The following POU2F2 variants were observed in gnomAD, a reference collection of about 807,000 sequenced individuals.
POU2F2 encodes POU class 2 homeobox 2.
Under a neutral mutation model 63.5 loss-of-function variants are expected in POU2F2, and 14 were observed. The ratio of observed to expected loss-of-function variants is 0.22; its 90% CI spans 0.15 to 0.34. POU2F2 has a LOEUF of 0.34. Among genes scored for constraint, POU2F2 ranks in the 10% least tolerant of loss-of-function variants. POU2F2 has a pLI of 1.00. For synonymous variants in POU2F2, 306 were observed against 348.6 expected, an observed-to-expected ratio of 0.88 and a Z score of 1.36; for missense variants, 607 against 815.2, an observed-to-expected ratio of 0.74 and a Z score of 3.11.
At chr19:42,194,726 T>A (rs1227693926) in intron 1 of POU2F2, among the ~76,000 whole-genome samples, 46 of 106,130 alleles carry the variant, frequency 4.3e-4, no homozygotes, top group African/African-American at 1.7e-3. Flanking sequence ...GCCACTGAAG[T>A]CCAGCCTGGG....
intron 1 of POU2F2, among the ~76,000 whole-genome samples, chr19:42,166,171 C>G (rs903035880): frequency 2.0e-5 from 3 of 152,256 alleles, no homozygotes; most frequent in Admixed American, 2.0e-4. Context: ...GGAGCACAAG[C>G]TCCCCATCAC....
chr19:42,181,303 T>C (rs1026327025), intron 1 of POU2F2, among the ~76,000 whole-genome samples: 16 of 152,352 alleles, frequency 1.1e-4, no homozygotes, highest in Admixed American at 5.9e-4. Context: ...ATGTGTGCTC[T>C]CTCTGCTTCT....
chr19:42,180,129 C>CTCCCTGGG, upstream of POU2F2, among the ~76,000 whole-genome samples: 1 of 152,266 alleles, frequency 6.6e-6, no homozygotes, highest in South Asian at 2.1e-4. Flanking sequence ...ACCCCATAGC[C>CTCCCTGGG]ACCTACCAAC....
intron 2 of POU2F2, among the ~76,000 whole-genome samples, chr19:42,149,087 G>C (rs2034288904): frequency 6.6e-6 from 1 of 152,114 alleles, no homozygotes; most frequent in South Asian, 2.1e-4. Context: ...CCCTCCCTAG[G>C]AGACAGAGGA....
At chr19:42,120,063 T>C (rs1011821486) in intron 4 of POU2F2, among the ~76,000 whole-genome samples, 1 of 151,902 alleles carries the variant, frequency 6.6e-6, no homozygotes, top group Non-Finnish European at 1.5e-5. Context: ...ACTACAGGCA[T>C]GCACACCCAG....
rs2034561668 is a variant in POU2F2, at chr19:42,162,027, C to T, written c.-69-1635G>A. Reference sequence around the variant, plus strand: ...CCGCGCTGAGTGTTGAACACGGTGGCGACACGGCATTAACCGTCAATATTG... The same window carrying T: ...CCGCGCTGAGTGTTGAACACGGTGGTGACACGGCATTAACCGTCAATATTG... On this transcript the variant is annotated intron_variant, in intron 1 of 6. Coordinates refer to the POU2F2 transcript ENST00000524801. This position sits in a 1 kb window ranked among gnomAD's most constrained non-coding sequence, Gnocchi z 4.1. Among the ~76,000 whole-genome samples, 2 of 149,432 alleles carry T rather than the reference C, an allele frequency of 1.3e-5. No homozygotes were observed. Among genetic ancestry groups the T allele is most frequent in the African/African-American group, 2.5e-5 (1 of 40,572 alleles).
At chr19:42,134,803 C>A (rs1293746185), upstream of POU2F2, among the ~76,000 whole-genome samples, 1 of 152,118 alleles carries the variant, frequency 6.6e-6, no homozygotes, top group Non-Finnish European at 1.5e-5. Flanking sequence ...GACACGCGGG[C>A]CCCATTGCTC....
At chr19:42,167,016 C>CTACA (rs1338385003) in intron 1 of POU2F2, among the ~76,000 whole-genome samples, 5 of 152,168 alleles carry the variant, frequency 3.3e-5, no homozygotes, top group African/African-American at 1.2e-4. Context: ...GGGCACTGTG[C>CTACA]TACACACTAG....
In POU2F2 at chr19:42,162,638, T is replaced by A. The variant is rs1042036897; in HGVS notation, c.-69-2246A>T. On this transcript the variant is annotated intron_variant, in intron 1 of 6. Coordinates refer to the POU2F2 transcript ENST00000524801. This position sits in a 1 kb window ranked among gnomAD's most constrained non-coding sequence, Gnocchi z 4.1. ...TTTGGTCCTGGCCCCTCAAGTCTCC[T>A]CACAGCCAGTGTATATAATGGTTTG... 1.3e-5 allele frequency among the ~76,000 whole-genome samples: 2 copies of A among 152,156 alleles called. No homozygotes were observed. Among genetic ancestry groups the A allele is most frequent in the African/African-American group, 4.8e-5 (2 of 41,446 alleles).
chr19:42,191,663 T>TCTGGCAGA, intron 1 of POU2F2, among the ~76,000 whole-genome samples: 1 of 151,746 alleles, frequency 6.6e-6, no homozygotes, highest in East Asian at 1.9e-4. Flanking sequence ...CCAGGAGGGG[T>TCTGGCAGA]CTGGCAGACT....
chr19:42,178,881 T>C (rs895139788), upstream of POU2F2, among the ~76,000 whole-genome samples: 5 of 150,852 alleles, frequency 3.3e-5, no homozygotes, highest in Admixed American at 3.3e-4. Flanking sequence ...AGAGTCAAAG[T>C]GAGGCAGAGA....
rs1315782450 is a variant in POU2F2 at position 42,091,169 on chromosome 19, C to T, written c.*88G>A. 60 of 1,280,072 alleles carry T rather than the reference C, an allele frequency of 4.7e-5. No homozygotes were observed. The highest frequency in any genetic ancestry group is 7.7e-5 in the East Asian group (3 of 39,198). The allele number at this position is 1,280,072 out of a possible 1,614,324, so 79.3% of individuals were successfully genotyped here. On this transcript the variant is annotated 3_prime_UTR_variant, in exon 15 of 15. Transcript: ENST00000692977. ...TCACTCCTGCTCTGAGGACCCTCTG[C>T]GTCCCCACCACTGGCCTCCTCGCCC...
intron 1 of POU2F2, among the ~76,000 whole-genome samples, chr19:42,185,244 T>G (rs1437931146): frequency 6.6e-6 from 1 of 152,150 alleles, no homozygotes; most frequent in East Asian, 1.9e-4. Flanking sequence ...CTGCTCCCAG[T>G]GTCCTAGTTC....
chr19:42,130,215 A>T (rs2033588277), intron 1 of POU2F2, among the ~76,000 whole-genome samples: 1 of 152,154 alleles, frequency 6.6e-6, no homozygotes, highest in Admixed American at 6.5e-5. Flanking sequence ...GTGTACGCAC[A>T]CATGTACTTA....
rs922453725 is a variant in POU2F2 at position 42,087,683 on chromosome 19, T to G, written c.*3574A>C. On this transcript the variant is annotated 3_prime_UTR_variant, in exon 15 of 15. Coordinates refer to ENST00000692977, the MANE Select transcript of POU2F2 (RefSeq NM_001394376.1). ...CCCTCCCTTAAGTAGGAGGTCAGGG[T>G]TGGGGAGAAGAGAAATTCAGAGGGC... The G allele has an allele frequency of 2.7e-5, 4 of 149,464 alleles. No homozygotes were observed. The highest frequency in any genetic ancestry group is 1.0e-4 in the African/African-American group (4 of 40,172). The allele number at this position is 149,464 out of a possible 1,614,324, so 9.3% of individuals were successfully genotyped here. A position where few individuals can be genotyped will look rare whatever the true frequency, so the allele number is the denominator to read the frequency against.
chr19:42,104,623 A>T (rs945781753), intron 5 of POU2F2, among the ~76,000 whole-genome samples: 3 of 152,162 alleles, frequency 2.0e-5, no homozygotes, highest in African/African-American at 7.2e-5. Flanking sequence ...AACAGAGGGT[A>T]TGAGGTGGTA....
chr19:42,155,106 C>T lies in POU2F2; in HGVS notation c.-9+5226G>A, dbSNP rs973213519. On this transcript the variant is annotated intron_variant, in intron 2 of 6. Coordinates refer to the POU2F2 transcript ENST00000524801. The surrounding 1 kb of genome is among the most constrained non-coding windows in gnomAD (Gnocchi z 4.2). ...AGGTGTGAGGTCCTTCCTTCCTGCC[C>T]CACAGTCCTGCCCACCTGCCTCAGC... 6.6e-6 allele frequency among the ~76,000 whole-genome samples: 1 copy of T among 152,204 alleles called. No individual in the cohort carries two copies. The highest frequency in any genetic ancestry group is 1.5e-5 in the Non-Finnish European group (1 of 68,032).
Position 42,183,254 on chromosome 19 carries a change from G to A in POU2F2, c.-70+13129C>T, listed in dbSNP as rs200085334. On this transcript the variant is annotated intron_variant, in intron 1 of 5. Coordinates refer to the POU2F2 transcript ENST00000532176. Reference sequence around the variant, plus strand: ...GAGACCCTCATCTGAAGTTGTTGGTGGGGGAGGGAATGAACAATAAATACA... The same window carrying A: ...GAGACCCTCATCTGAAGTTGTTGGTAGGGGAGGGAATGAACAATAAATACA... Among the ~76,000 whole-genome samples the A allele has an allele frequency of 2.6e-5, 4 of 152,190 alleles. No homozygotes were observed. In the East Asian group the frequency reaches 7.7e-4, roughly 29 times the overall value.
intron 1 of POU2F2, among the ~76,000 whole-genome samples, chr19:42,186,847 T>C (rs1234569141): frequency 6.6e-6 from 1 of 152,030 alleles, no homozygotes. Flanking sequence ...CCCGGATGGA[T>C]GGAGGTGACA....
Sources: allele counts gnomAD v4.1 joint callset (sites outside exome capture counted in the v4.1 genomes callset), GRCh38; gene constraint gnomAD v4.1.1; non-coding constraint Gnocchi (gnomAD v3.1); transcripts MANE v1.5; gene names NCBI Gene and HGNC (gene_info 2026-07-23, HGNC 2026-07-21).